The following RBKS variants were observed in gnomAD, a reference collection of about 807,000 sequenced individuals.
RBKS encodes the protein ribokinase.
Under a neutral mutation model 33.9 loss-of-function variants are expected in RBKS, and 33 were observed. The observed-to-expected ratio is 0.97, with a 90% CI of 0.74 to 1.30. The LOEUF (loss-of-function observed/expected upper bound fraction) is 1.30, where lower values mean the gene tolerates loss of function less well. RBKS is among the 50% of genes most tolerant of loss of function. The pLI, the probability that RBKS is intolerant of heterozygous loss-of-function variation, is 0.00. For missense variants in RBKS, 361 were observed against 392.6 expected (o/e 0.92, Z 0.68); for synonymous variants, 125 against 143.0 (o/e 0.87, Z 0.90).
chr2:27,803,000 A>G (rs536037454), intron 7 of RBKS, among the ~76,000 whole-genome samples: 245 of 152,158 alleles, frequency 1.6e-3, no homozygotes, highest in South Asian at 4.1e-3. Flanking sequence ...TTCTCTTTAA[A>G]AAATATTTTT....
At chr2:27,843,940 A>G (rs535638698) in intron 4 of RBKS, among the ~76,000 whole-genome samples, 1 of 152,304 alleles carries the variant, frequency 6.6e-6, no homozygotes, top group South Asian at 2.1e-4. Context: ...AGCACGAGCC[A>G]CACATGGCCA....
intron 1 of RBKS, among the ~76,000 whole-genome samples, chr2:27,872,460 G>T (rs1011592452): frequency 1.3e-5 from 2 of 151,874 alleles, no homozygotes; most frequent in African/African-American, 4.8e-5. Flanking sequence ...AGATATACAA[G>T]GCAAATAGCA....
At chr2:27,790,016 G>T (rs1274359923) in intron 7 of RBKS, among the ~76,000 whole-genome samples, 1 of 144,994 alleles carries the variant, frequency 6.9e-6, no homozygotes, top group South Asian at 2.2e-4. Context: ...GAGAGAGAGA[G>T]ATGTGGTTTC....
At chr2:27,884,023 G>C (rs1194481576) in intron 1 of RBKS, among the ~76,000 whole-genome samples, 1 of 152,168 alleles carries the variant, frequency 6.6e-6, no homozygotes, top group Non-Finnish European at 1.5e-5. Flanking sequence ...AATTTAAGAA[G>C]CAGAAAGAAT....
chr2:27,864,835 T>G (rs900389274), intron 1 of RBKS, among the ~76,000 whole-genome samples: 1 of 152,156 alleles, frequency 6.6e-6, no homozygotes, highest in African/African-American at 2.4e-5. Context: ...TTCTCCCCTC[T>G]GGGGTGGGGG....
intron 6 of RBKS, among the ~76,000 whole-genome samples, chr2:27,828,885 T>C (rs1218808736): frequency 6.6e-6 from 1 of 152,220 alleles, no homozygotes; most frequent in Non-Finnish European, 1.5e-5. Context: ...CTATTTAAAG[T>C]ATTTTTTGCA....
At chr2:27,841,729 A>ACACACACACACAC (rs1663515530) in intron 5 of RBKS, among the ~76,000 whole-genome samples, 1 of 142,168 alleles carries the variant, frequency 7.0e-6, no homozygotes, top group Non-Finnish European at 1.6e-5. Flanking sequence ...CACTTATATA[A>ACACACACACACAC]ACACACACAC....
At chr2:27,880,297 C>T (rs948491403) in intron 1 of RBKS, among the ~76,000 whole-genome samples, 4 of 152,170 alleles carry the variant, frequency 2.6e-5, no homozygotes, top group African/African-American at 9.7e-5. Flanking sequence ...CCATCTATGA[C>T]AAACCCACAG....
At chr2:27,846,182 G>A (rs1663616356) in intron 4 of RBKS, among the ~76,000 whole-genome samples, 1 of 152,130 alleles carries the variant, frequency 6.6e-6, no homozygotes, top group Non-Finnish European at 1.5e-5. Context: ...TGGTCAGGCT[G>A]GTCTTGAACT....
At position 27,867,945 on chromosome 2, in the gene RBKS, T is replaced by C. The variant is rs149067237; in HGVS notation, c.90-9374A>G. Reference sequence around the variant, plus strand: ...TTGTCAAAAGTTCCTGATGAACTGCTTTTAAATTCACTGAAGACAAGAAAA... The same window carrying C: ...TTGTCAAAAGTTCCTGATGAACTGCCTTTAAATTCACTGAAGACAAGAAAA... On this transcript the variant is annotated intron_variant, in intron 1 of 7. Coordinates refer to ENST00000302188, the MANE Select transcript of RBKS (RefSeq NM_022128.3). 6.3e-3 allele frequency among the ~76,000 whole-genome samples: 967 copies of C among 152,336 alleles called. 7 individuals are homozygous for C. Among genetic ancestry groups the C allele is most frequent in the Non-Finnish European group, 7.9e-3 (538 of 68,030 alleles).
intron 2 of RBKS, among the ~76,000 whole-genome samples, chr2:27,856,298 A>G (rs1328211304): frequency 6.6e-6 from 1 of 152,208 alleles, no homozygotes; most frequent in Non-Finnish European, 1.5e-5. Context: ...TAGGTGACTA[A>G]ATCAGGGGCA....
intron 6 of RBKS, 89 bp from the exon 7 acceptor site, chr2:27,827,844 T>TTC: frequency 8.6e-7 from 1 of 1,161,950 alleles, no homozygotes; most frequent in Non-Finnish European, 1.2e-6. Flanking sequence ...AATGTCTCCC[T>TTC]TCTTTTTTAT....
chr2:27,784,299 T>C (rs1677357385), intron 7 of RBKS, among the ~76,000 whole-genome samples: 1 of 152,036 alleles, frequency 6.6e-6, no homozygotes, highest in Non-Finnish European at 1.5e-5. Context: ...GGTCATTTTC[T>C]ACCTCTTCCC....
chr2:27,802,194 T>C (rs13001060), intron 7 of RBKS, among the ~76,000 whole-genome samples: 43,252 of 148,768 alleles, frequency 0.29, 7,113 homozygotes, highest in East Asian at 0.63. Flanking sequence ...TTGAGGAGAG[T>C]GGCAAGGGGA....
chr2:27,850,244 C>A (rs2148215367), intron 2 of RBKS, among the ~76,000 whole-genome samples: 1 of 152,274 alleles, frequency 6.6e-6, no homozygotes, highest in Admixed American at 6.5e-5. Context: ...TCTCTGTCTC[C>A]TCCGGCAACT....
intron 7 of RBKS, among the ~76,000 whole-genome samples, chr2:27,826,688 G>T (rs1222693386): frequency 6.6e-6 from 1 of 152,290 alleles, no homozygotes; most frequent in South Asian, 2.1e-4. Context: ...CTACAAGTGT[G>T]AAGTGGCGCC....
chr2:27,830,861 C>T (rs566702446), intron 6 of RBKS, among the ~76,000 whole-genome samples: 29 of 152,198 alleles, frequency 1.9e-4, no homozygotes, highest in African/African-American at 9.6e-5. Context: ...GTGTTACTTC[C>T]GAAGCTAACT....
intron 7 of RBKS, among the ~76,000 whole-genome samples, chr2:27,801,982 A>ATT (rs1677801454): frequency 1.0e-5 from 1 of 95,418 alleles, no homozygotes; most frequent in African/African-American, 4.6e-5. Flanking sequence ...ATATATATAT[A>ATT]TATATATATA....
At chr2:27,883,009 A>AG (rs1172449979) in intron 1 of RBKS, among the ~76,000 whole-genome samples, 1 of 152,104 alleles carries the variant, frequency 6.6e-6, no homozygotes, top group Non-Finnish European at 1.5e-5. Flanking sequence ...ACAAAAAAAA[A>AG]ATAATAATGC....
Sources: gnomAD v4.1 joint callset for allele counts (sites outside exome capture counted in the v4.1 genomes callset) on GRCh38, gnomAD v4.1.1 for gene constraint, MANE v1.5 for transcripts, NCBI Gene and HGNC (gene_info 2026-07-23, HGNC 2026-07-21) for gene names.